AUNIP: variants seen among roughly 807,000 people sequenced by gnomAD.
AUNIP encodes aurora kinase A- and ninein-interacting protein.
Under a neutral mutation model 12.2 loss-of-function variants are expected in AUNIP, and 16 were observed. The ratio of observed to expected loss-of-function variants is 1.31; its 90% confidence interval spans 0.88 to 1.99. The LOEUF is 1.99. Ranked by LOEUF, AUNIP falls within the 30% of genes most tolerant of loss-of-function variation. The pLI is 0.00. For missense variants in AUNIP, 411 were observed against 419.1 expected (o/e 0.98, Z 0.17); for synonymous variants, 142 against 154.8 (o/e 0.92, Z 0.61).
chr1:25,852,467 T>TTTG (rs2124512853), intron 1 of AUNIP, among the ~76,000 whole-genome samples: 1 of 149,922 alleles, frequency 6.7e-6, no homozygotes, highest in African/African-American at 2.5e-5. Flanking sequence ...TTTGTTGTTT[T>TTTG]TTTTTTTGAG....
chr1:25,843,581 C>T (rs1310554992), intron 1 of AUNIP, among the ~76,000 whole-genome samples: 1 of 113,364 alleles, frequency 8.8e-6, no homozygotes, highest in Non-Finnish European at 1.6e-5. Flanking sequence ...AAATAGTGAG[C>T]TCCTGTCTGT....
chr1:25,836,783 A>G (rs538241814), intron 2 of AUNIP, among the ~76,000 whole-genome samples: 19 of 151,768 alleles, frequency 1.3e-4, no homozygotes, highest in Non-Finnish European at 2.5e-4. Flanking sequence ...TTTTGTTTGG[A>G]GGAGGGAGAG....
chr1:25,838,545 C>T (rs1383891739), intron 1 of AUNIP, among the ~76,000 whole-genome samples: 1 of 151,814 alleles, frequency 6.6e-6, no homozygotes, highest in East Asian at 1.9e-4. Flanking sequence ...AATTTATTCA[C>T]ATAAAAGGCT....
At chr1:25,855,680 G>A (rs1053973054) in intron 1 of AUNIP, among the ~76,000 whole-genome samples, 3 of 152,028 alleles carry the variant, frequency 2.0e-5, no homozygotes, top group African/African-American at 7.2e-5. Context: ...AGATCAAGGG[G>A]GAAGAGGCAT....
At chr1:25,853,362 G>A (rs377254614) in intron 1 of AUNIP, among the ~76,000 whole-genome samples, 19 of 152,032 alleles carry the variant, frequency 1.2e-4, no homozygotes, top group African/African-American at 2.7e-4. Context: ...TTTGGGTGGC[G>A]GAGGCAGGTG....
intron 1 of AUNIP, among the ~76,000 whole-genome samples, chr1:25,843,594 GAAA>G (rs769525747): frequency 0.035 from 1,101 of 31,714 alleles, 25 homozygotes; most frequent in African/African-American, 0.1. Flanking sequence ...CTGTCTGTTT[GAAA>G]AAAAAAAAAA....
At chr1:25,853,512 G>A (rs1276948466) in intron 1 of AUNIP, among the ~76,000 whole-genome samples, 1 of 152,162 alleles carries the variant, frequency 6.6e-6, no homozygotes, top group Non-Finnish European at 1.5e-5. Flanking sequence ...CAGGAGAATC[G>A]TCTGAACCCA....
Position 25,859,308 on chromosome 1 carries a change from G to A in AUNIP, c.50C>T (p.Ala17Val), listed in dbSNP as rs867372424. Residue 17 changes from alanine (A) to valine (V), a missense_variant, in exon 1 of 3, where the codon GCG becomes GTG. Ala to Val is a moderately conservative substitution (Grantham distance 64, BLOSUM62 0). Transcript: ENST00000374298. ...EEEACGVWLD[A>V]AALKRRKVQT... is the part of the protein sequence containing the mutation. ...CACTTTCCGCCTCTTCAGCGCCGCCGCGTCCAGCCACACGCCGCAGGCCTC... is the reference window on the plus strand; with the variant it reads ...CACTTTCCGCCTCTTCAGCGCCGCCACGTCCAGCCACACGCCGCAGGCCTC... 5 of 1,575,268 alleles carry A rather than the reference G, an allele frequency of 3.2e-6. No homozygotes were observed. The highest frequency in any genetic ancestry group is 2.4e-5 in the East Asian group (1 of 42,218).
At chr1:25,836,072 A>G (rs1391116681) in intron 2 of AUNIP, among the ~76,000 whole-genome samples, 2 of 152,174 alleles carry the variant, frequency 1.3e-5, no homozygotes, top group Admixed American at 1.3e-4. Flanking sequence ...AAATACATGG[A>G]TACTTCCCAT....
intron 1 of AUNIP, among the ~76,000 whole-genome samples, chr1:25,842,365 A>G (rs1052556932): frequency 2.6e-5 from 4 of 152,240 alleles, no homozygotes; most frequent in South Asian, 2.1e-4. Flanking sequence ...GCAAGCTGAG[A>G]GAGGTGAGGA....
Position 25,835,671 on chromosome 1 carries a change from G to A in AUNIP, c.396C>T (p.Leu132=), listed in dbSNP as rs550451631. 2 of 1,614,116 alleles carry A rather than the reference G, an allele frequency of 1.2e-6. No homozygotes were observed. The highest frequency in any genetic ancestry group is 1.3e-5 in the African/African-American group (1 of 74,938). ...CAGAAGTCTGGAGGGACTGAGGAGA[G>A]AGTCCAGCTTCCTGGATGTCTGCAG... ...STTADIQEAG[L]SPQSLQTSGH... Residue 132 remains leucine (L), a synonymous_variant, in exon 3 of 3, where the codon CTC becomes CTT. Transcript: ENST00000374298.
At chr1:25,846,966 G>C (rs2048387414) in intron 1 of AUNIP, among the ~76,000 whole-genome samples, 2 of 152,174 alleles carry the variant, frequency 1.3e-5, no homozygotes, top group Non-Finnish European at 2.9e-5. Context: ...ATGCAGTGGA[G>C]GAAGAATCCT....
chr1:25,848,465 A>AGTC (rs60374075), intron 1 of AUNIP, among the ~76,000 whole-genome samples: 1 of 133,468 alleles, frequency 7.5e-6, no homozygotes, highest in African/African-American at 2.8e-5. Flanking sequence ...CCGGGCAAAA[A>AGTC]TTTTTGAAAC....
chr1:25,832,010 G>A (rs1455698877), downstream of AUNIP: 1 of 1,614,078 alleles, frequency 6.2e-7, no homozygotes, highest in Non-Finnish European at 8.5e-7. Flanking sequence ...GAAGATATCA[G>A]TAGAAAAGGA....
At position 25,835,020 on chromosome 1, in the gene AUNIP, AC is replaced by A; in HGVS notation, c.1046del (p.Gly349ValfsTer17). 6.2e-7 allele frequency: 1 copy of A among 1,610,716 alleles called. No homozygotes were observed. Among genetic ancestry groups the A allele is most frequent in the Admixed American group, 1.7e-5 (1 of 58,992 alleles). On this transcript the variant is annotated frameshift_variant, in exon 3 of 3. Transcript: ENST00000374298. LOFTEE classifies it high-confidence loss of function. ...AGAATTGGTGTCTGATAACTTGATTACCTTCAGAGTCCTGGGTAAAGAGCAA... is the reference window on the plus strand; with the variant it reads ...AGAATTGGTGTCTGATAACTTGATTACTTCAGAGTCCTGGGTAAAGAGCAA... ...PDLLFTQDSE[G>X]NQVIRHQF
intron 1 of AUNIP, among the ~76,000 whole-genome samples, chr1:25,858,116 G>T (rs1055476835): frequency 3.9e-5 from 6 of 152,160 alleles, no homozygotes; most frequent in Admixed American, 3.9e-4. Context: ...GCAGGGAACT[G>T]AGATTGTGTC....
chr1:25,835,010 T>C lies in AUNIP; in HGVS notation c.1057A>G (p.Ile353Val). 1.2e-6 allele frequency: 2 copies of C among 1,609,216 alleles called. No individual in the cohort carries two copies. The highest frequency in any genetic ancestry group is 1.7e-6 in the Non-Finnish European group (2 of 1,177,906). ...FTQDSEGNQV[I>V]RHQF is the part of the protein sequence containing the mutation. ...TCAAACATTTAGAATTGGTGTCTGA[T>C]AACTTGATTACCTTCAGAGTCCTGG... The change falls in exon 3 of 3, where the codon ATC (isoleucine) becomes GTC (valine). Residue 353 changes from isoleucine to valine, a missense_variant. Physicochemically the swap from Ile to Val is conservative, Grantham distance 29. Coordinates refer to ENST00000374298, the MANE Select transcript of AUNIP (RefSeq NM_024037.3).
chr1:25,857,768 C>T (rs892531105), intron 1 of AUNIP, among the ~76,000 whole-genome samples: 6 of 151,314 alleles, frequency 4.0e-5, no homozygotes, highest in Non-Finnish European at 8.9e-5. Context: ...GAGGCTGAGG[C>T]GGAAGAATCG....
At chr1:25,833,914 C>G, downstream of AUNIP, 1 of 650,908 alleles carries the variant, frequency 1.5e-6, no homozygotes, top group Non-Finnish European at 1.9e-6. Context: ...TGGTTCAGAT[C>G]AGGCTCAGGG....
Sources: gnomAD v4.1 joint callset for allele counts (sites outside exome capture counted in the v4.1 genomes callset) on GRCh38, gnomAD v4.1.1 for gene constraint, MANE v1.5 for transcripts, NCBI Gene and HGNC (gene_info 2026-07-23, HGNC 2026-07-21) for gene names.